Variants in CABLES2 observed in about 807,000 individuals in gnomAD.
The protein encoded by CABLES2 is CDK5 and ABL1 enzyme substrate 2.
CABLES2 carries 35 observed loss-of-function variants against 44.8 expected under a neutral mutation model. The observed-to-expected ratio is 0.78, with a 90% confidence interval of 0.60 to 1.04. The LOEUF is 1.04. CABLES2 is among the 50% of genes least tolerant of loss of function. The pLI, the probability that CABLES2 is intolerant of heterozygous loss-of-function variation, is 0.00. For synonymous variants in CABLES2, 282 were observed against 281.1 expected (o/e 1.00, Z -0.03); for missense variants, 566 against 615.7 (o/e 0.92, Z 0.85).
intron 6 of CABLES2, 76 bp from the exon 7 acceptor site, chr20:62,393,099 C>A: frequency 7.3e-7 from 1 of 1,362,456 alleles, no homozygotes; most frequent in South Asian, 1.2e-5. Flanking sequence ...GGCAGGCCAG[C>A]GCCATGGCGG....
rs774564603 is a variant in CABLES2, at chr20:62,391,473, C to T, written c.1092-20G>A. 16 of 1,609,860 alleles carry T rather than the reference C, an allele frequency of 9.9e-6. No individual in the cohort carries two copies. Among genetic ancestry groups the T allele is most frequent in the South Asian group, 3.3e-5 (3 of 91,034 alleles). On this transcript the variant is annotated intron_variant, in intron 8 of 9. Transcript: ENST00000279101. The surrounding 1 kb of genome is among the most constrained non-coding windows in gnomAD (Gnocchi z 5.7). ...TTTAAGCTGTGGGTTAAGACAGAAG[C>T]CATGTCCCTGGGGGCTCTGGCTGGG...
intron 1 of CABLES2, among the ~76,000 whole-genome samples, chr20:62,398,333 A>C (rs62196293): frequency 2.6e-4 from 35 of 134,862 alleles, no homozygotes; most frequent in Non-Finnish European, 8.2e-5. Flanking sequence ...GGTGGTGACG[A>C]TGGTGGTGAT....
chr20:62,397,901 G>A (rs1988048918), intron 1 of CABLES2, among the ~76,000 whole-genome samples: 1 of 144,372 alleles, frequency 6.9e-6, no homozygotes, highest in Non-Finnish European at 1.6e-5. Flanking sequence ...TGGCGGTGGT[G>A]GTGATGGTGA....
In CABLES2 at chr20:62,392,958, C is replaced by T. The variant is rs756053952; in HGVS notation, c.946G>A (p.Gly316Ser). 56 of 1,613,952 alleles carry T rather than the reference C, an allele frequency of 3.5e-5. No homozygotes were observed. The highest frequency in any genetic ancestry group is 5.3e-5 in the African/African-American group (4 of 74,960). ...NLLDDPQWPC[G>S]KHKRVLIFAS... ...AAGATGAGGACACGTTTGTGCTTGC[C>T]GCAGGGCCACTGCGGGTCATCCAGG... The change falls in exon 7 of 10, where the codon GGC (glycine) becomes AGC (serine). Residue 316 changes from glycine (G) to serine (S), a missense_variant. By Grantham distance (56) the Gly-to-Ser change is moderately conservative. Coordinates refer to ENST00000279101, the MANE Select transcript of CABLES2 (RefSeq NM_031215.3).
At chr20:62,393,121 G>T in intron 6 of CABLES2, 98 bp from the exon 7 acceptor site, 1 of 1,056,480 alleles carries the variant, frequency 9.5e-7, no homozygotes, top group Non-Finnish European at 1.4e-6. Flanking sequence ...GCAAGGCCGA[G>T]CAGGGGAGGG....
chr20:62,398,145 G>GTGGTGGTGGTGACGGTGATGGTGGTAA (rs1988098149), intron 1 of CABLES2, among the ~76,000 whole-genome samples: 2 of 137,362 alleles, frequency 1.5e-5, no homozygotes, highest in Non-Finnish European at 3.1e-5. Context: ...GGTGATGGTG[G>GTGGTGGTGGTGACGGTGATGGTGGTAA]TGGTGGTGGT....
intron 1 of CABLES2, among the ~76,000 whole-genome samples, chr20:62,397,434 C>T (rs114193504): frequency 0.022 from 3,357 of 152,296 alleles, 123 homozygotes; most frequent in African/African-American, 0.076. Context: ...AGGTGTTTCC[C>T]ATAAGCGAAA....
At chr20:62,395,928 G>A (rs1988010003) in intron 3 of CABLES2, among the ~76,000 whole-genome samples, 2 of 152,244 alleles carry the variant, frequency 1.3e-5, no homozygotes, top group Non-Finnish European at 2.9e-5. Context: ...GCTTTGGGCA[G>A]CCAGGTGTTT....
intron 8 of CABLES2, among the ~76,000 whole-genome samples, chr20:62,392,137 G>A (rs1185626891): frequency 6.6e-5 from 10 of 151,860 alleles, no homozygotes; most frequent in Non-Finnish European, 1.5e-5. Context: ...ATCCTGGGCT[G>A]CTGCGAGGGT....
chr20:62,407,126 A>T lies in CABLES2; in HGVS notation c.151T>A (p.Phe51Ile). The change falls in exon 1 of 10, where the codon TTC becomes ATC. Residue 51 changes from phenylalanine (F) to isoleucine (I), a missense_variant. By Grantham distance (21) the Phe-to-Ile change is conservative. Around this residue, in one of 2 missense-constraint regions of CABLES2, gnomAD observed 130 missense variants for 79.4 expected, o/e 1.64. Transcript: ENST00000279101. ...DSRRRQAALF[F>I]LNNISLDGRP... ...CCGTCCAGGGAGATGTTGTTGAGGA[A>T]GAAAAGCGCGGCCTGGCGGCGCCGC... 9.7e-7 allele frequency: 1 copy of T among 1,033,474 alleles called. No homozygotes were observed. The highest frequency in any genetic ancestry group is 4.3e-5 in the South Asian group (1 of 23,410). The allele number at this position is 1,033,474 out of a possible 1,614,324, so 64.0% of individuals were successfully genotyped here. A position where few individuals can be genotyped will look rare whatever the true frequency, so the allele number is the denominator to read the frequency against.
At chr20:62,403,874 C>G (rs977862293) in intron 1 of CABLES2, 1 of 152,270 alleles carries the variant, frequency 6.6e-6, no homozygotes, top group Non-Finnish European at 1.5e-5. Context: ...CGAGAAGTTA[C>G]TGTTCCCTGA....
chr20:62,395,047 C>T (rs370153452), intron 3 of CABLES2, 33 bp from the exon 4 acceptor site: 51 of 1,536,058 alleles, frequency 3.3e-5, no homozygotes, highest in South Asian at 4.5e-5. Flanking sequence ...GAGACGGGGC[C>T]GGGGAGCGGG....
rs775302055 is a variant in CABLES2 at position 62,396,365 on chromosome 20, C to T, written c.477G>A (p.Lys159=). The T allele has an allele frequency of 3.1e-6, 5 of 1,613,902 alleles. No homozygotes were observed. Among genetic ancestry groups the T allele is most frequent in the Non-Finnish European group, 4.2e-6 (5 of 1,179,962 alleles). ...TSGSPRHKGL[K]KTHFIKNMRQ... ...TCATGTTCTTGATGAAGTGGGTCTT[C>T]TTCAGGCCTTTATGTCTCGGTGATC... The change falls in exon 3 of 10, where the codon AAG becomes AAA. Residue 159 remains lysine, a synonymous_variant. Transcript: ENST00000279101. This position sits in a 1 kb window ranked among gnomAD's most constrained non-coding sequence, Gnocchi z 5.7.
At position 62,396,715 on chromosome 20, in the gene CABLES2, G is replaced by C. The variant is rs1211515356; in HGVS notation, c.363-123C>G. 1 of 957,244 alleles carries C rather than the reference G, an allele frequency of 1.0e-6. No homozygotes were observed. Among genetic ancestry groups the C allele is most frequent in the Admixed American group, 2.2e-5 (1 of 45,516 alleles). The allele number at this position is 957,244 out of a possible 1,614,324, so 59.3% of individuals were successfully genotyped here. A position where few individuals can be genotyped will look rare whatever the true frequency, so the allele number is the denominator to read the frequency against. On this transcript the variant is annotated intron_variant, in intron 1 of 9. Coordinates refer to ENST00000279101, the MANE Select transcript of CABLES2 (RefSeq NM_031215.3). The surrounding 1 kb of genome is among the most constrained non-coding windows in gnomAD (Gnocchi z 5.7). ...CTCTCCAGCCCAGCGGCGCACCCAT[G>C]GGCCGAGGGGCTTCCAGAGCCCATG... is the stretch of plus-strand genomic sequence containing the variant.
Position 62,394,234 on chromosome 20 carries a change from G to A in CABLES2, c.637C>T (p.His213Tyr), listed in dbSNP as rs773429550. 6.2e-7 allele frequency: 1 copy of A among 1,613,480 alleles called. No individual in the cohort carries two copies. Among genetic ancestry groups the A allele is most frequent in the Non-Finnish European group, 8.5e-7 (1 of 1,179,992 alleles). ...GACACAGAGACGCCGCCGGACGGGTGCCTCTGCTTCTGGCTGTCCACCCTC... is the reference window on the plus strand; with the variant it reads ...GACACAGAGACGCCGCCGGACGGGTACCTCTGCTTCTGGCTGTCCACCCTC... ...DLRVDSQKQRHPSGGVSVSSE... is the reference protein window; with the variant it reads ...DLRVDSQKQRYPSGGVSVSSE... Residue 213 changes from histidine (H) to tyrosine (Y), a missense_variant, in exon 5 of 10, where the codon CAC becomes TAC. Coordinates refer to ENST00000279101, the MANE Select transcript of CABLES2 (RefSeq NM_031215.3).
At chr20:62,392,579 G>T in intron 7 of CABLES2, 84 bp from the exon 8 acceptor site, 2 of 1,031,666 alleles carry the variant, frequency 1.9e-6, no homozygotes, top group Non-Finnish European at 3.0e-6. Flanking sequence ...ATTTCTCACT[G>T]TCCTGGGTTT....
At position 62,393,039 on chromosome 20, in the gene CABLES2, C is replaced by G. The variant is rs771668338; in HGVS notation, c.881-16G>C. ...ACGTCACTCCCTGTAAGAGAGGCAA[C>G]CCCTGACCCACCAGGAGTCTTGAGC... On this transcript the variant is annotated splice_polypyrimidine_tract_variant and intron_variant, in intron 6 of 9. Coordinates refer to ENST00000279101, the MANE Select transcript of CABLES2 (RefSeq NM_031215.3). 9 of 1,602,294 alleles carry G rather than the reference C, an allele frequency of 5.6e-6. No homozygotes were observed. The highest frequency in any genetic ancestry group is 7.7e-6 in the Non-Finnish European group (9 of 1,169,778).
rs1002291159 is a variant in CABLES2, at chr20:62,388,758, C to T, written c.*2213G>A. 5.1e-5 allele frequency: 25 copies of T among 494,054 alleles called. No homozygotes were observed. Among genetic ancestry groups the T allele is most frequent in the Admixed American group, 2.6e-4 (7 of 26,476 alleles). The allele number at this position is 494,054 out of a possible 1,614,324, so 30.6% of individuals were successfully genotyped here. A position where few individuals can be genotyped will look rare whatever the true frequency, so the allele number is the denominator to read the frequency against. On this transcript the variant is annotated 3_prime_UTR_variant, in exon 10 of 10. Transcript: ENST00000279101. ...GCACACTGACATCCACAACTGCTAC[C>T]GGTGCGGAAGCAACGCCAGGCCTGG...
intron 1 of CABLES2, among the ~76,000 whole-genome samples, chr20:62,398,139 A>ATGG (rs1161706888): frequency 4.4e-5 from 2 of 45,506 alleles, no homozygotes; most frequent in African/African-American, 8.7e-5. Context: ...GACGGTGGTG[A>ATGG]TGGTGGTGGT....
Sources: gnomAD v4.1 joint callset for allele counts (sites outside exome capture counted in the v4.1 genomes callset) on GRCh38, gnomAD v4.1.1 for gene constraint, gnomAD v4.1.1 regional missense constraint, Gnocchi (gnomAD v3.1) non-coding constraint, MANE v1.5 for transcripts, NCBI Gene and HGNC (gene_info 2026-07-23, HGNC 2026-07-21) for gene names.